TDRP: variants seen among roughly 807,000 people sequenced by gnomAD.
TDRP encodes the protein testis development-related protein.
Under a neutral mutation model 10.5 loss-of-function variants are expected in TDRP, and 12 were observed. The observed-to-expected ratio is 1.15, with a 90% CI of 0.73 to 1.86. The LOEUF (loss-of-function observed/expected upper bound fraction) is 1.86, where lower values mean the gene tolerates loss of function less well. Ranked by LOEUF, TDRP falls within the 40% of genes most tolerant of loss-of-function variation. The pLI, the probability that TDRP is intolerant of heterozygous loss-of-function variation, is 0.00. For synonymous variants in TDRP, 139 were observed against 95.4 expected, an observed-to-expected ratio of 1.46 and a Z score of -2.67; for missense variants, 353 against 229.2, an observed-to-expected ratio of 1.54 and a Z score of -3.49.
At chr8:499,555 C>A (rs893933560) in intron 1 of TDRP, among the ~76,000 whole-genome samples, 3 of 152,184 alleles carry the variant, frequency 2.0e-5, no homozygotes, top group African/African-American at 4.8e-5. Context: ...TAAGGGAATC[C>A]CTCTCTACTG....
chr8:531,339 T>C lies in TDRP; in HGVS notation c.108+13311A>G, dbSNP rs117754560. 5.8e-3 allele frequency among the ~76,000 whole-genome samples: 883 copies of C among 152,294 alleles called. 19 individuals carry two copies. The highest frequency in any genetic ancestry group is 0.04 in the Admixed American group (609 of 15,302). ...AGGTCCGGGACTTTCCACTCCACCA[T>C]TGTGCTGACATCAGACATTTTATGT... On this transcript the variant is annotated intron_variant, in intron 1 of 2. Coordinates refer to ENST00000324079, the MANE Select transcript of TDRP (RefSeq NM_001384899.1).
rs143689311 is a variant in TDRP, at chr8:519,490, G to A, written c.109-24893C>T. On this transcript the variant is annotated intron_variant, in intron 1 of 2. Transcript: ENST00000324079. ...ACCTTCAAGTATAGAGTTCAATTGC[G>A]TTAACTACATGCAAACTGTTGTACA... is the stretch of plus-strand genomic sequence containing the variant. Among the ~76,000 whole-genome samples the A allele has an allele frequency of 4.3e-4, 66 of 152,070 alleles. 1 individual carries two copies. The highest frequency in any genetic ancestry group is 6.8e-3 in the Middle Eastern group (2 of 294).
chr8:544,598 C>T, intron 1 of TDRP, 52 bp downstream of exon 1: 1 of 1,180,356 alleles, frequency 8.5e-7, no homozygotes, highest in Non-Finnish European at 1.1e-6. Context: ...CCCTCGCCCT[C>T]CACCTGCGCG....
chr8:536,259 A>C (rs539741818), intron 1 of TDRP, among the ~76,000 whole-genome samples: 145 of 152,320 alleles, frequency 9.5e-4, no homozygotes, highest in Admixed American at 2.9e-3. Flanking sequence ...CCACAGGCCC[A>C]AGCAAGTAGA....
At position 503,900 on chromosome 8, in the gene TDRP, C is replaced by T. The variant is rs561980812; in HGVS notation, c.109-9303G>A. On this transcript the variant is annotated intron_variant, in intron 1 of 2. Transcript: ENST00000324079. Reference sequence around the variant, plus strand: ...TCCAGAGCCACACAAGGGTAACCCACCCCCACCTCAGCACGCACCAACATG... The same window carrying T: ...TCCAGAGCCACACAAGGGTAACCCATCCCCACCTCAGCACGCACCAACATG... 2.0e-4 allele frequency among the ~76,000 whole-genome samples: 28 copies of T among 140,838 alleles called. 2 individuals carry two copies. Among genetic ancestry groups the T allele is most frequent in the Middle Eastern group, 4.5e-3 (1 of 220 alleles). The allele number at this position is 140,838 out of a possible 152,430, so 92.4% of individuals were successfully genotyped here.
At chr8:539,911 C>G (rs565793283) in intron 1 of TDRP, among the ~76,000 whole-genome samples, 1 of 152,184 alleles carries the variant, frequency 6.6e-6, no homozygotes, top group Admixed American at 6.5e-5. Context: ...TGAAACACTC[C>G]TTGATGTCTT....
At position 523,548 on chromosome 8, in the gene TDRP, C is replaced by G. The variant is rs147530864; in HGVS notation, c.108+21102G>C. 9.2e-5 allele frequency among the ~76,000 whole-genome samples: 14 copies of G among 152,312 alleles called. No homozygotes were observed. The East Asian group carries it at 2.5e-3, about 27-fold the overall frequency. On this transcript the variant is annotated intron_variant, in intron 1 of 2. Coordinates refer to ENST00000324079, the MANE Select transcript of TDRP (RefSeq NM_001384899.1). The stretch of plus-strand genomic sequence containing the variant: ...CTTGGATGGCATTTCTGGACTTGCC[C>G]TGGGCCAAAGGGGAACCCACTGCCC...
intron 1 of TDRP, among the ~76,000 whole-genome samples, chr8:522,267 T>A (rs1801925332): frequency 6.6e-6 from 1 of 152,206 alleles, no homozygotes; most frequent in African/African-American, 2.4e-5. Flanking sequence ...CCTGGTGAAC[T>A]GGCCCCTTTG....
At chr8:524,490 G>C (rs1801986557) in intron 1 of TDRP, among the ~76,000 whole-genome samples, 2 of 152,134 alleles carry the variant, frequency 1.3e-5, no homozygotes, top group Non-Finnish European at 2.9e-5. Context: ...TTCACAGAGA[G>C]AATTCAAAAT....
chr8:536,579 C>T (rs1802352902), intron 1 of TDRP, among the ~76,000 whole-genome samples: 1 of 151,860 alleles, frequency 6.6e-6, no homozygotes, highest in Non-Finnish European at 1.5e-5. Flanking sequence ...ATATCTTGTG[C>T]TGGTAAATGT....
intron 1 of TDRP, among the ~76,000 whole-genome samples, chr8:528,813 G>C (rs1584878590): frequency 6.6e-6 from 1 of 151,850 alleles, no homozygotes; most frequent in African/African-American, 2.4e-5. Flanking sequence ...AACTATGTGT[G>C]TGTGTATATG....
At chr8:515,115 G>A (rs976013374) in intron 1 of TDRP, among the ~76,000 whole-genome samples, 1 of 152,088 alleles carries the variant, frequency 6.6e-6, no homozygotes, top group African/African-American at 2.4e-5. Context: ...GAGCCTCCTT[G>A]GCCTGAAGTT....
chr8:535,990 GC>G (rs2116868848), intron 1 of TDRP, among the ~76,000 whole-genome samples: 1 of 152,290 alleles, frequency 6.6e-6, no homozygotes, highest in South Asian at 2.1e-4. Context: ...AAGAATAGCA[GC>G]TTTTAGACAT....
At chr8:507,747 G>A (rs1349747517) in intron 1 of TDRP, among the ~76,000 whole-genome samples, 1 of 152,160 alleles carries the variant, frequency 6.6e-6, no homozygotes, top group African/African-American at 2.4e-5. Flanking sequence ...GGGAAAGGGG[G>A]AACAGTCAGT....
chr8:537,671 C>A lies in TDRP; in HGVS notation c.108+6979G>T, dbSNP rs56332102. 1.2e-3 allele frequency among the ~76,000 whole-genome samples: 184 copies of A among 152,188 alleles called. 1 individual carries two copies. The highest frequency in any genetic ancestry group is 2.3e-3 in the Non-Finnish European group (155 of 68,028). On this transcript the variant is annotated intron_variant, in intron 1 of 2. Transcript: ENST00000324079. ...ATTCACCGGGGTTTGAGAATTATGA[C>A]TCCTTTAAAGTCGAATGCTAAATTA... is the stretch of plus-strand genomic sequence containing the variant.
At chr8:529,864 T>C (rs929635259) in intron 1 of TDRP, among the ~76,000 whole-genome samples, 1 of 152,192 alleles carries the variant, frequency 6.6e-6, no homozygotes, top group African/African-American at 2.4e-5. Context: ...TTACCCTTTC[T>C]TTGGTTTCTT....
chr8:533,571 C>G (rs1362188591), intron 1 of TDRP, among the ~76,000 whole-genome samples: 91 of 152,328 alleles, frequency 6.0e-4, no homozygotes, highest in Non-Finnish European at 1.2e-4. Context: ...GACGTTTCAT[C>G]GGCATCTTGC....
intron 1 of TDRP, among the ~76,000 whole-genome samples, chr8:497,151 C>A (rs1323089706): frequency 6.6e-6 from 1 of 152,124 alleles, no homozygotes; most frequent in Non-Finnish European, 1.5e-5. Context: ...GGTAATGGGG[C>A]AGAGGCTGGA....
chr8:505,049 C>T lies in TDRP; in HGVS notation c.109-10452G>A, dbSNP rs566442112. Among the ~76,000 whole-genome samples, 18 of 152,246 alleles carry T rather than the reference C, an allele frequency of 1.2e-4. No homozygotes were observed. The South Asian group carries it at 3.1e-3, about 26-fold the overall frequency. ...ACATGATGACTTCATATTCAATTTA[C>T]AAAAACAATACACATAACCTTCAGA... On this transcript the variant is annotated intron_variant, in intron 1 of 2. Transcript: ENST00000324079.
Sources: allele counts gnomAD v4.1 joint callset (sites outside exome capture counted in the v4.1 genomes callset), GRCh38; gene constraint gnomAD v4.1.1; transcripts MANE v1.5; gene names NCBI Gene and HGNC (gene_info 2026-07-23, HGNC 2026-07-21).